FRMD4A: variants seen among roughly 807,000 people sequenced by gnomAD.
FRMD4A encodes the protein FERM domain-containing protein 4A.
A neutral mutation model predicts 129.1 loss-of-function variants in FRMD4A; 29 were observed. The observed-to-expected ratio is 0.22, with a 90% CI of 0.17 to 0.31. The LOEUF (loss-of-function observed/expected upper bound fraction) is 0.31, where lower values mean the gene tolerates loss of function less well. FRMD4A is among the 10% of genes least tolerant of loss of function. The pLI is 1.00. For synonymous variants in FRMD4A, 634 were observed against 571.6 expected (o/e 1.11, Z -1.56); for missense variants, 1,272 against 1,375.8 (o/e 0.92, Z 1.19).
At chr10:14,292,253 A>T (rs1845871753) in intron 2 of FRMD4A, among the ~76,000 whole-genome samples, 2 of 152,222 alleles carry the variant, frequency 1.3e-5, no homozygotes, top group South Asian at 4.1e-4. Context: ...CATTTTATGA[A>T]GCTATAGTAG....
intron 2 of FRMD4A, among the ~76,000 whole-genome samples, chr10:13,863,463 G>A (rs1165514993): frequency 2.6e-5 from 4 of 151,920 alleles, no homozygotes; most frequent in Non-Finnish European, 4.4e-5. Flanking sequence ...GGTGGTGCAC[G>A]CCTGTAGTCC....
At chr10:14,196,927 G>A (rs1259647813) in intron 2 of FRMD4A, among the ~76,000 whole-genome samples, 1 of 152,184 alleles carries the variant, frequency 6.6e-6, no homozygotes, top group African/African-American at 2.4e-5. Flanking sequence ...GGGAAGGCAG[G>A]CAACCCTGTC....
chr10:13,687,012 C>A (rs1226447592), intron 15 of FRMD4A, among the ~76,000 whole-genome samples: 1 of 152,174 alleles, frequency 6.6e-6, no homozygotes. Flanking sequence ...ATGGCTTGGC[C>A]AGGTGTGGTG....
At chr10:14,086,272 A>G (rs1193625925) in intron 2 of FRMD4A, among the ~76,000 whole-genome samples, 1 of 152,220 alleles carries the variant, frequency 6.6e-6, no homozygotes, top group African/African-American at 2.4e-5. Context: ...TTTCAAATGT[A>G]CAAGCCCACT....
chr10:13,841,775 G>A (rs532062576), intron 3 of FRMD4A, among the ~76,000 whole-genome samples: 9 of 152,052 alleles, frequency 5.9e-5, no homozygotes, highest in Non-Finnish European at 1.2e-4. Context: ...GGCACTTTCC[G>A]GAGTTCTGGC....
rs987079449 is a variant in FRMD4A at position 13,799,520 on chromosome 10, T to C, written c.207-2932A>G. Among the ~76,000 whole-genome samples, 21 of 152,334 alleles carry C rather than the reference T, an allele frequency of 1.4e-4. 1 individual carries two copies. Among genetic ancestry groups the C allele is most frequent in the East Asian group, 5.8e-4 (3 of 5,174 alleles). On this transcript the variant is annotated intron_variant, in intron 4 of 24. Coordinates refer to ENST00000357447, the MANE Select transcript of FRMD4A (RefSeq NM_018027.5). ...CTACCTCATGAGGAGAAAGTGTGCA[T>C]GTCTGGTCAACTGGAAGGTGTCAGA...
intron 12 of FRMD4A, among the ~76,000 whole-genome samples, chr10:13,717,367 G>A (rs754503192): frequency 6.6e-6 from 1 of 152,130 alleles, no homozygotes; most frequent in African/African-American, 2.4e-5. Flanking sequence ...AGGCTGGAGT[G>A]CAGGGGCATA....
chr10:13,999,367 TA>T (rs1206849759), intron 2 of FRMD4A, among the ~76,000 whole-genome samples: 4 of 152,162 alleles, frequency 2.6e-5, no homozygotes, highest in Admixed American at 2.6e-4. Context: ...TCTGTGAAAT[TA>T]ATAAATAAAA....
chr10:13,888,922 A>T (rs1193047977), intron 2 of FRMD4A, among the ~76,000 whole-genome samples: 3 of 152,252 alleles, frequency 2.0e-5, no homozygotes, highest in Non-Finnish European at 4.4e-5. Flanking sequence ...ATATCTAAGA[A>T]CAAAGCTTTA....
At chr10:13,791,272 A>C (rs2092993607) in intron 5 of FRMD4A, among the ~76,000 whole-genome samples, 1 of 152,218 alleles carries the variant, frequency 6.6e-6, no homozygotes, top group African/African-American at 2.4e-5. Context: ...GACCCTGAGC[A>C]GGCACCCCTG....
At chr10:13,830,232 C>T (rs2093768715) in intron 3 of FRMD4A, among the ~76,000 whole-genome samples, 1 of 152,212 alleles carries the variant, frequency 6.6e-6, no homozygotes, top group Non-Finnish European at 1.5e-5. Flanking sequence ...TGTCCCTCCT[C>T]GGCCCTCCTT....
intron 2 of FRMD4A, among the ~76,000 whole-genome samples, chr10:13,913,608 C>T (rs768365278): frequency 7.9e-5 from 12 of 152,112 alleles, no homozygotes; most frequent in South Asian, 2.1e-4. Flanking sequence ...GCACGTGATC[C>T]GCCTTCATTC....
intron 2 of FRMD4A, among the ~76,000 whole-genome samples, chr10:14,068,249 G>C (rs1835155488): frequency 6.6e-6 from 1 of 152,224 alleles, no homozygotes; most frequent in South Asian, 2.1e-4. Context: ...GTATCAGTAG[G>C]TAGGAAGAGG....
chr10:13,820,514 GA>G (rs1229002385), intron 3 of FRMD4A, among the ~76,000 whole-genome samples: 3 of 149,986 alleles, frequency 2.0e-5, no homozygotes, highest in Non-Finnish European at 4.4e-5. Context: ...TAAGTCAAAA[GA>G]GTTGCCACTT....
At chr10:13,910,721 G>A (rs2094931638) in intron 2 of FRMD4A, among the ~76,000 whole-genome samples, 1 of 151,880 alleles carries the variant, frequency 6.6e-6, no homozygotes, top group South Asian at 2.1e-4. Flanking sequence ...ACAAATATGT[G>A]AGTGTTTTAT....
chr10:14,208,854 G>A (rs374708804), intron 2 of FRMD4A, among the ~76,000 whole-genome samples: 73 of 152,250 alleles, frequency 4.8e-4, no homozygotes, highest in African/African-American at 1.7e-3. Flanking sequence ...ACAGTAAAGG[G>A]TGATGGGCAC....
intron 21 of FRMD4A, 109 bp from the exon 22 acceptor site, chr10:13,657,631 G>T (rs2082282517): frequency 7.1e-7 from 1 of 1,403,326 alleles, no homozygotes; most frequent in Non-Finnish European, 9.3e-7. Context: ...GCACGCGGGC[G>T]CAGGCCCCAG....
intron 2 of FRMD4A, among the ~76,000 whole-genome samples, chr10:14,216,777 C>G (rs1482675541): frequency 6.6e-6 from 1 of 152,090 alleles, no homozygotes; most frequent in East Asian, 1.9e-4. Flanking sequence ...CTCTAGTTTT[C>G]TGATGTATAT....
In FRMD4A at chr10:13,821,756, G is replaced by A. The variant is rs1359544137; in HGVS notation, c.112-10848C>T. Among the ~76,000 whole-genome samples the A allele has an allele frequency of 6.6e-6, 1 of 152,108 alleles. No individual in the cohort carries two copies. The highest frequency in any genetic ancestry group is 2.4e-5 in the African/African-American group (1 of 41,410). On this transcript the variant is annotated intron_variant, in intron 3 of 24. Coordinates refer to ENST00000357447, the MANE Select transcript of FRMD4A (RefSeq NM_018027.5). This position sits in a 1 kb window ranked among gnomAD's most constrained non-coding sequence, Gnocchi z 4.3. ...GAACCGCGGCACACAGGTGGGCATG[G>A]GTCACCCAGGATTATAGGAAGAGCC...
Sources: allele counts gnomAD v4.1 joint callset (sites outside exome capture counted in the v4.1 genomes callset), GRCh38; gene constraint gnomAD v4.1.1; non-coding constraint Gnocchi (gnomAD v3.1); transcripts MANE v1.5; gene names NCBI Gene and HGNC (gene_info 2026-07-23, HGNC 2026-07-21).